LEP: variants seen among roughly 807,000 people sequenced by gnomAD.
LEP encodes the protein leptin (murine obesity homolog).
A neutral mutation model predicts 9.8 loss-of-function variants in LEP; 6 were observed. The ratio of observed to expected loss-of-function variants is 0.61; its 90% confidence interval spans 0.34 to 1.21. The LOEUF is 1.21. Ranked by LOEUF, LEP falls within the 50% of genes most tolerant of loss-of-function variation. The pLI is 0.04. For synonymous variants in LEP, 112 were observed against 81.7 expected (o/e 1.37, Z -2.00); for missense variants, 134 against 198.1 (o/e 0.68, Z 1.94).
chr7:128,249,840 C>T (rs1795253845), intron 1 of LEP, among the ~76,000 whole-genome samples: 1 of 152,182 alleles, frequency 6.6e-6, no homozygotes, highest in East Asian at 1.9e-4. Flanking sequence ...TAGGTTTCTC[C>T]TAAACCTGGC....
At chr7:128,249,381 T>C (rs1479490384) in intron 1 of LEP, among the ~76,000 whole-genome samples, 1 of 152,234 alleles carries the variant, frequency 6.6e-6, no homozygotes, top group Non-Finnish European at 1.5e-5. Context: ...GGTGAGGTCT[T>C]TGTCCTCCTG....
chr7:128,245,714 G>A (rs1174503390), intron 1 of LEP, among the ~76,000 whole-genome samples: 1 of 152,228 alleles, frequency 6.6e-6, no homozygotes, highest in Non-Finnish European at 1.5e-5. Context: ...GATGTCATCA[G>A]AGGGCTGTGG....
chr7:128,252,241 C>A, intron 2 of LEP, 79 bp downstream of exon 2: 1 of 1,508,058 alleles, frequency 6.6e-7, no homozygotes. Flanking sequence ...CCCAGATAGT[C>A]CAAGAAACAT....
At position 128,245,926 on chromosome 7, in the gene LEP, G is replaced by T. The variant is rs180675592; in HGVS notation, c.-29+4620G>T. Among the ~76,000 whole-genome samples, 528 of 152,146 alleles carry T rather than the reference G, an allele frequency of 3.5e-3. 12 individuals carry two copies. Among genetic ancestry groups the T allele is most frequent in the Middle Eastern group, 3.4e-3 (1 of 294 alleles). ...AAAATACAAAAATTAGCCAGGTGCG[G>T]TGGTGGGCGCCTGTATTTCCAGCTA... On this transcript the variant is annotated intron_variant, in intron 1 of 2. Transcript: ENST00000308868.
intron 1 of LEP, among the ~76,000 whole-genome samples, chr7:128,251,703 A>G (rs548512531): frequency 4.9e-4 from 75 of 152,350 alleles, no homozygotes; most frequent in Non-Finnish European, 8.4e-4. Flanking sequence ...AATGAAGTCT[A>G]CATCATCCCT....
intron 1 of LEP, among the ~76,000 whole-genome samples, chr7:128,246,276 G>T (rs1031340): frequency 6.6e-6 from 1 of 151,630 alleles, no homozygotes; most frequent in South Asian, 2.1e-4. Context: ...GGTGGGGTGC[G>T]GGCCCTGCAC....
chr7:128,241,696 C>T (rs942317400), intron 1 of LEP, among the ~76,000 whole-genome samples: 5 of 152,208 alleles, frequency 3.3e-5, no homozygotes, highest in African/African-American at 4.8e-5. Context: ...AGGAGAGACG[C>T]AGATGCAAGT....
intron 1 of LEP, among the ~76,000 whole-genome samples, chr7:128,241,521 T>C (rs1795151428): frequency 6.6e-6 from 1 of 152,204 alleles, no homozygotes; most frequent in Admixed American, 6.5e-5. Context: ...GCTGTGCCGG[T>C]GCCCAGAAGG....
intron 1 of LEP, among the ~76,000 whole-genome samples, chr7:128,247,818 C>A (rs1471305590): frequency 6.6e-6 from 1 of 152,222 alleles, no homozygotes; most frequent in Non-Finnish European, 1.5e-5. Flanking sequence ...TGATTCATAT[C>A]ATCCCCATCT....
In LEP at chr7:128,254,796, C is replaced by T. The variant is rs62481073; in HGVS notation, c.*33C>T. 7,102 of 1,599,690 alleles carry T rather than the reference C, an allele frequency of 4.4e-3. 28 individuals carry two copies. The highest frequency in any genetic ancestry group is 5.3e-3 in the Non-Finnish European group (6,294 of 1,178,986). On this transcript the variant is annotated 3_prime_UTR_variant, in exon 3 of 3. Transcript: ENST00000308868. ...AAGGTCACTCTTCCTGCAAGGACTA[C>T]GTTAAGGGAAGGAACTCTGGCTTCC...
intron 2 of LEP, 56 bp from the exon 3 acceptor site, chr7:128,254,348 T>G (rs1017154744): frequency 1.9e-6 from 3 of 1,603,868 alleles, no homozygotes; most frequent in Middle Eastern, 1.7e-4. Flanking sequence ...CAGAGGGCTC[T>G]GAGAGCGATT....
At chr7:128,248,954 G>C (rs1346459849) in intron 1 of LEP, among the ~76,000 whole-genome samples, 2 of 152,190 alleles carry the variant, frequency 1.3e-5, no homozygotes, top group African/African-American at 4.8e-5. Context: ...ATTGTATTAG[G>C]CTTGTACAAA....
chr7:128,244,404 C>T (rs984163782), intron 1 of LEP, among the ~76,000 whole-genome samples: 6 of 152,134 alleles, frequency 3.9e-5, no homozygotes, highest in African/African-American at 1.2e-4. Flanking sequence ...TATGTTAACA[C>T]GATTTCTCAA....
intron 1 of LEP, among the ~76,000 whole-genome samples, chr7:128,243,062 G>A (rs942045534): frequency 6.6e-5 from 10 of 152,210 alleles, no homozygotes; most frequent in Non-Finnish European, 1.0e-4. Context: ...CTGGCCAGTC[G>A]GCAGAGAGCC....
rs751272426 is a variant in LEP, at chr7:128,254,446, A to C, written c.187A>C (p.Ile63Leu). The change falls in exon 3 of 3, where the codon ATT (isoleucine) becomes CTT (leucine). Residue 63 changes from isoleucine to leucine, a missense_variant. Transcript: ENST00000308868. ...ACAGAAAGTCACCGGTTTGGACTTC[A>C]TTCCTGGGCTCCACCCCATCCTGAC... is the stretch of plus-strand genomic sequence containing the variant. ...SKQKVTGLDF[I>L]PGLHPILTLS... The C allele has an allele frequency of 4.0e-5, 65 of 1,613,870 alleles. No homozygotes were observed. The highest frequency in any genetic ancestry group is 3.4e-6 in the Non-Finnish European group (4 of 1,180,012).
rs774906243 is a variant in LEP, at chr7:128,254,538, C to T, written c.279C>T (p.Asn93=). ...TCCTCACCAGTATGCCTTCCAGAAA[C>T]GTGATCCAAATATCCAACGACCTGG... The part of the protein sequence containing the change: ...QQILTSMPSR[N]VIQISNDLEN... Residue 93 remains asparagine, a synonymous_variant, in exon 3 of 3, where the codon AAC becomes AAT. Transcript: ENST00000308868. The T allele has an allele frequency of 1.1e-5, 17 of 1,614,194 alleles. No homozygotes were observed. The highest frequency in any genetic ancestry group is 1.7e-5 in the Admixed American group (1 of 60,032).
Position 128,255,213 on chromosome 7 carries a change from G to T in LEP, c.*450G>T. 1 of 178,600 alleles carries T rather than the reference G, an allele frequency of 5.6e-6. No homozygotes were observed. The highest frequency in any genetic ancestry group is 1.2e-5 in the Non-Finnish European group (1 of 82,204). The allele number at this position is 178,600 out of a possible 1,614,324, so 11.1% of individuals were successfully genotyped here. On this transcript the variant is annotated 3_prime_UTR_variant, in exon 3 of 3. Transcript: ENST00000308868. ...TTCCATGAAGACCACATCCACACAC[G>T]CAGGAACTCCCAGCAACACAAGCTG...
At chr7:128,243,759 T>C (rs1439744334) in intron 1 of LEP, among the ~76,000 whole-genome samples, 1 of 152,220 alleles carries the variant, frequency 6.6e-6, no homozygotes, top group African/African-American at 2.4e-5. Flanking sequence ...AGTTAGCCAA[T>C]GCAGATCGAG....
chr7:128,257,236 C>G lies in LEP; in HGVS notation c.*2473C>G, dbSNP rs1247745507. On this transcript the variant is annotated 3_prime_UTR_variant, in exon 3 of 3. Coordinates refer to ENST00000308868, the MANE Select transcript of LEP (RefSeq NM_000230.3). ...GCTAATTCCCAGAGTGTGAAACTTC[C>G]TAAGTATAAATGGTTGTCTGTTTTT... is the stretch of plus-strand genomic sequence containing the variant. 6.6e-6 allele frequency: 1 copy of G among 151,292 alleles called. No homozygotes were observed. Among genetic ancestry groups the G allele is most frequent in the Non-Finnish European group, 1.5e-5 (1 of 67,926 alleles). 9.4% of individuals were successfully genotyped at this position (151,292 alleles called of 1,614,324 possible). A position where few individuals can be genotyped will look rare whatever the true frequency, so the allele number is the denominator to read the frequency against.
Sources: allele counts gnomAD v4.1 joint callset (sites outside exome capture counted in the v4.1 genomes callset), GRCh38; gene constraint gnomAD v4.1.1; transcripts MANE v1.5; gene names NCBI Gene and HGNC (gene_info 2026-07-23, HGNC 2026-07-21).